The following DERA variants were observed in gnomAD, a reference collection of about 807,000 sequenced individuals.
DERA encodes 2-deoxy-D-ribose 5-phosphate aldolase.
DERA carries 15 observed loss-of-function variants against 41.1 expected under a neutral mutation model. That is an observed-to-expected ratio of 0.37 (90% CI 0.24 to 0.56). DERA has a LOEUF of 0.56. DERA is among the 20% of genes least tolerant of loss of function. The probability of loss-of-function intolerance (pLI) is 0.81; values close to 1 mark genes in which losing one functional copy is unlikely to be tolerated. For synonymous variants in DERA, 139 were observed against 137.4 expected (o/e 1.01, Z -0.08); for missense variants, 396 against 403.4 (o/e 0.98, Z 0.16).
chr12:15,948,118 C>T (rs1948466037), intron 1 of DERA, among the ~76,000 whole-genome samples: 1 of 152,206 alleles, frequency 6.6e-6, no homozygotes, highest in Non-Finnish European at 1.5e-5. Context: ...CAACCTTTCT[C>T]TCTGGCTGCC....
chr12:16,006,986 T>C (rs975337276), intron 6 of DERA, among the ~76,000 whole-genome samples: 4 of 152,180 alleles, frequency 2.6e-5, no homozygotes, highest in African/African-American at 9.7e-5. Flanking sequence ...TTTTTAAATA[T>C]TTGTCACGTT....
At chr12:16,030,017 G>A (rs943490456) in intron 6 of DERA, among the ~76,000 whole-genome samples, 11 of 133,248 alleles carry the variant, frequency 8.3e-5, no homozygotes, top group African/African-American at 2.7e-4. Flanking sequence ...CCACCTCCCA[G>A]GTTCAAGCAG....
rs1948807220 is a variant in DERA, at chr12:15,992,261, A to G, written c.637+9825A>G. ...GAAAAGTGAAAAGAAGCAAAAAGAA[A>G]TTTGAAAATTTAGATGCCTCTTTCC... On this transcript the variant is annotated intron_variant, in intron 6 of 8. Transcript: ENST00000428559. The surrounding 1 kb of genome is among the most constrained non-coding windows in gnomAD (Gnocchi z 4.3). Among the ~76,000 whole-genome samples the G allele has an allele frequency of 6.6e-6, 1 of 152,184 alleles. No homozygotes were observed. Among genetic ancestry groups the G allele is most frequent in the Non-Finnish European group, 1.5e-5 (1 of 68,006 alleles).
Position 16,036,658 on chromosome 12 carries a change from G to T in DERA, c.901-32G>T. On this transcript the variant is annotated intron_variant, in intron 8 of 8. Transcript: ENST00000428559. This position sits in a 1 kb window ranked among gnomAD's most constrained non-coding sequence, Gnocchi z 4.9. Reference sequence around the variant, plus strand: ...TAACTGATGTGTATAATTATAGAATGATTGTTAATTAAACTCTGCTTTTCC... The same window carrying T: ...TAACTGATGTGTATAATTATAGAATTATTGTTAATTAAACTCTGCTTTTCC... The T allele has an allele frequency of 6.7e-7, 1 of 1,488,486 alleles. No homozygotes were observed. The highest frequency in any genetic ancestry group is 1.2e-5 in the South Asian group (1 of 84,650). 92.2% of individuals were successfully genotyped at this position (1,488,486 alleles called of 1,614,324 possible). A position where few individuals can be genotyped will look rare whatever the true frequency, so the allele number is the denominator to read the frequency against.
At chr12:15,944,556 G>T (rs1032631525) in intron 1 of DERA, among the ~76,000 whole-genome samples, 1 of 152,074 alleles carries the variant, frequency 6.6e-6, no homozygotes, top group Non-Finnish European at 1.5e-5. Context: ...CATATCCTTC[G>T]CCCACTTTTT....
Position 15,945,403 on chromosome 12 carries a change from C to T in DERA, c.32-11533C>T, listed in dbSNP as rs576246852. On this transcript the variant is annotated intron_variant, in intron 1 of 8. Transcript: ENST00000428559. ...CATTTGTTTGTGTCCTCTTTGATTT[C>T]GTTGAGCAGTGGTTTGTAGTTCTCC... is the stretch of plus-strand genomic sequence containing the variant. Among the ~76,000 whole-genome samples, 12 of 152,290 alleles carry T rather than the reference C, an allele frequency of 7.9e-5. No homozygotes were observed. The East Asian group carries it at 1.2e-3, about 15-fold the overall frequency.
chr12:15,988,140 C>T lies in DERA; in HGVS notation c.637+5704C>T, dbSNP rs1356383967. Among the ~76,000 whole-genome samples, 1 of 152,208 alleles carries T rather than the reference C, an allele frequency of 6.6e-6. No individual in the cohort carries two copies. Among genetic ancestry groups the T allele is most frequent in the Non-Finnish European group, 1.5e-5 (1 of 68,034 alleles). On this transcript the variant is annotated intron_variant, in intron 6 of 8. Transcript: ENST00000428559. The surrounding 1 kb of genome is among the most constrained non-coding windows in gnomAD (Gnocchi z 6.0). ...CCAAAGAGGGTGTTACAGCATGTCA[C>T]AGGCCTAGCTGGGGGAGCCCTGAGT...
Position 15,995,180 on chromosome 12 carries a change from T to A in DERA, c.637+12744T>A, listed in dbSNP as rs1191423239. Among the ~76,000 whole-genome samples the A allele has an allele frequency of 6.6e-6, 1 of 152,246 alleles. No homozygotes were observed. Among genetic ancestry groups the A allele is most frequent in the Non-Finnish European group, 1.5e-5 (1 of 68,044 alleles). On this transcript the variant is annotated intron_variant, in intron 6 of 8. Transcript: ENST00000428559. The surrounding 1 kb of genome is among the most constrained non-coding windows in gnomAD (Gnocchi z 5.1). ...TGTTTCTAGAGGCCCTGAATGAGAT[T>A]GTATGTTGCACTTTACTTTTCTGTT...
In DERA at chr12:15,945,132, GC is replaced by G. The variant is rs1948437337; in HGVS notation, c.32-11802del. ...GTACCATGCTGTTTTGGTTACTGTA[GC>G]CTTGTAGTATAGTTTGAAGTCAGGT... On this transcript the variant is annotated intron_variant, in intron 1 of 8. Transcript: ENST00000428559. 7.2e-5 allele frequency among the ~76,000 whole-genome samples: 11 copies of G among 152,236 alleles called. No individual in the cohort carries two copies. The South Asian group carries it at 2.3e-3, about 32-fold the overall frequency.
rs1949004729 is a variant in DERA at position 16,019,494 on chromosome 12, C to T, written c.638-13048C>T. The stretch of plus-strand genomic sequence containing the variant: ...ATAATATTTTCCTAAGGGATATTTA[C>T]AGTCACATCTTCTAAAACATACATT... On this transcript the variant is annotated intron_variant, in intron 6 of 8. Coordinates refer to ENST00000428559, the MANE Select transcript of DERA (RefSeq NM_015954.4). The surrounding 1 kb of genome is among the most constrained non-coding windows in gnomAD (Gnocchi z 4.4). Among the ~76,000 whole-genome samples, 1 of 152,210 alleles carries T rather than the reference C, an allele frequency of 6.6e-6. No individual in the cohort carries two copies.
chr12:16,017,616 C>G lies in DERA; in HGVS notation c.638-14926C>G, dbSNP rs1465255092. On this transcript the variant is annotated intron_variant, in intron 6 of 8. Transcript: ENST00000428559. The surrounding 1 kb of genome is among the most constrained non-coding windows in gnomAD (Gnocchi z 5.5). ...TAACACTGCATCTTTATTATATTGC[C>G]CTAAGTGATTTCCAAACCTATGTTG... 6.6e-6 allele frequency among the ~76,000 whole-genome samples: 1 copy of G among 152,082 alleles called. No individual in the cohort carries two copies. The highest frequency in any genetic ancestry group is 2.4e-5 in the African/African-American group (1 of 41,410).
chr12:15,976,137 T>C lies in DERA; in HGVS notation c.509-6171T>C, dbSNP rs1326971272. ...TATAACCTCTATTACACTCCAGCATTGCATGGTTTATTCTTACTTTCCCCT... is the reference window on the plus strand; with the variant it reads ...TATAACCTCTATTACACTCCAGCATCGCATGGTTTATTCTTACTTTCCCCT... On this transcript the variant is annotated intron_variant, in intron 5 of 8. Coordinates refer to ENST00000428559, the MANE Select transcript of DERA (RefSeq NM_015954.4). The surrounding 1 kb of genome is among the most constrained non-coding windows in gnomAD (Gnocchi z 4.1). Among the ~76,000 whole-genome samples, 1 of 152,232 alleles carries C rather than the reference T, an allele frequency of 6.6e-6. No individual in the cohort carries two copies. The highest frequency in any genetic ancestry group is 2.4e-5 in the African/African-American group (1 of 41,452).
rs1363453567 is a variant in DERA at position 15,965,857 on chromosome 12, T to C, written c.508+2910T>C. ...CTTTGCTCCTTCCTCCTAAATTCCT[T>C]CCCTCGACTGTGCTGTGGCTCTCAT... On this transcript the variant is annotated intron_variant, in intron 5 of 8. Coordinates refer to ENST00000428559, the MANE Select transcript of DERA (RefSeq NM_015954.4). This position sits in a 1 kb window ranked among gnomAD's most constrained non-coding sequence, Gnocchi z 4.1. Among the ~76,000 whole-genome samples the C allele has an allele frequency of 1.3e-5, 2 of 152,056 alleles. No individual in the cohort carries two copies. Among genetic ancestry groups the C allele is most frequent in the African/African-American group, 4.8e-5 (2 of 41,404 alleles).
chr12:15,950,811 A>G (rs1948492067), intron 1 of DERA, among the ~76,000 whole-genome samples: 1 of 152,152 alleles, frequency 6.6e-6, no homozygotes, highest in Non-Finnish European at 1.5e-5. Context: ...TTATGTGTTT[A>G]TCTCTTATTA....
In DERA at chr12:15,938,487, TA is replaced by T. The variant is rs371169898; in HGVS notation, c.32-18447del. Among the ~76,000 whole-genome samples the T allele has an allele frequency of 1.7e-4, 26 of 152,330 alleles. No homozygotes were observed. In the East Asian group the frequency reaches 4.8e-3, roughly 28 times the overall value. On this transcript the variant is annotated intron_variant, in intron 1 of 8. Coordinates refer to ENST00000428559, the MANE Select transcript of DERA (RefSeq NM_015954.4). The surrounding 1 kb of genome is among the most constrained non-coding windows in gnomAD (Gnocchi z 4.1). ...AAGTTGAATTATTACTCTGCTTTAA[TA>T]AGCTTCTTAGCTGTATCAATCTATG...
rs1195691315 is a variant in DERA, at chr12:15,922,486, A to G, written c.31+11072A>G. Among the ~76,000 whole-genome samples the G allele has an allele frequency of 6.6e-6, 1 of 152,206 alleles. No individual in the cohort carries two copies. Among genetic ancestry groups the G allele is most frequent in the Non-Finnish European group, 1.5e-5 (1 of 68,028 alleles). On this transcript the variant is annotated intron_variant, in intron 1 of 8. Transcript: ENST00000428559. The surrounding 1 kb of genome is among the most constrained non-coding windows in gnomAD (Gnocchi z 4.9). ...GTTGCATTAAACTACTAATATAGAGAAATTTTGGGACACAGTGATTAGCAT... is the reference window on the plus strand; with the variant it reads ...GTTGCATTAAACTACTAATATAGAGGAATTTTGGGACACAGTGATTAGCAT...
rs1467127518 is a variant in DERA at position 15,992,981 on chromosome 12, C to G, written c.637+10545C>G. Among the ~76,000 whole-genome samples the G allele has an allele frequency of 1.3e-5, 2 of 152,054 alleles. No individual in the cohort carries two copies. Among genetic ancestry groups the G allele is most frequent in the Admixed American group, 6.6e-5 (1 of 15,266 alleles). On this transcript the variant is annotated intron_variant, in intron 6 of 8. Coordinates refer to ENST00000428559, the MANE Select transcript of DERA (RefSeq NM_015954.4). The surrounding 1 kb of genome is among the most constrained non-coding windows in gnomAD (Gnocchi z 4.3). ...CCGATGAAGATCTGTGGGAAGAGTA[C>G]TAACACAAAAATATGGGGCTTGAGA...
intron 6 of DERA, among the ~76,000 whole-genome samples, chr12:16,006,022 A>C (rs1041906697): frequency 5.9e-5 from 9 of 152,178 alleles, no homozygotes; most frequent in African/African-American, 2.2e-4. Context: ...CGGTCCTTAC[A>C]CTTTCATTTA....
At chr12:15,914,251 G>A (rs1486206320) in intron 1 of DERA, among the ~76,000 whole-genome samples, 2 of 152,108 alleles carry the variant, frequency 1.3e-5, no homozygotes, top group Non-Finnish European at 2.9e-5. Flanking sequence ...GCATAGTGGC[G>A]CATGCCTGTA....
Sources: allele counts gnomAD v4.1 joint callset (sites outside exome capture counted in the v4.1 genomes callset), GRCh38; gene constraint gnomAD v4.1.1; non-coding constraint Gnocchi (gnomAD v3.1); transcripts MANE v1.5; gene names NCBI Gene and HGNC (gene_info 2026-07-23, HGNC 2026-07-21).